BBX: variants seen among roughly 807,000 people sequenced by gnomAD.
BBX encodes BBX high mobility group box domain containing, also known as HMG box transcription factor BBX.
In BBX, 30 loss-of-function variants were observed where a neutral mutation model predicts 100.2. That is an observed-to-expected ratio of 0.30 (90% CI 0.22 to 0.41). The LOEUF (loss-of-function observed/expected upper bound fraction) is 0.41. BBX is among the 10% of genes least tolerant of loss of function. The pLI is 1.00. For synonymous variants in BBX, 376 were observed against 388.1 expected (o/e 0.97, Z 0.37); for missense variants, 1,023 against 1,129.8 (o/e 0.91, Z 1.35).
At chr3:107,606,130 A>G (rs1434453381) in intron 2 of BBX, among the ~76,000 whole-genome samples, 1 of 152,242 alleles carries the variant, frequency 6.6e-6, no homozygotes, top group Non-Finnish European at 1.5e-5. Flanking sequence ...AGGAGTTTCC[A>G]AAGAATGAAT....
rs955137918 is a variant in BBX, at chr3:107,805,616, T to C, written c.*159T>C. ...TCACTTGAAGCAGAAGTTAGCATCC[T>C]GGGCCAGTTTGTTCTCTCAGAACCC... On this transcript the variant is annotated 3_prime_UTR_variant, in exon 18 of 18. Coordinates refer to ENST00000325805, the MANE Select transcript of BBX (RefSeq NM_001142568.3). 1 of 1,384,762 alleles carries C rather than the reference T, an allele frequency of 7.2e-7. No homozygotes were observed. The highest frequency in any genetic ancestry group is 9.8e-7 in the Non-Finnish European group (1 of 1,022,296). The allele number at this position is 1,384,762 out of a possible 1,614,324, so 85.8% of individuals were successfully genotyped here.
At chr3:107,633,553 A>G (rs1425593599) in intron 2 of BBX, among the ~76,000 whole-genome samples, 1 of 152,210 alleles carries the variant, frequency 6.6e-6, no homozygotes, top group Non-Finnish European at 1.5e-5. Context: ...GATTTCAGGC[A>G]TCATGGTTTC....
intron 13 of BBX, among the ~76,000 whole-genome samples, chr3:107,784,711 T>C (rs991869825): frequency 6.6e-6 from 1 of 151,244 alleles, no homozygotes; most frequent in Non-Finnish European, 1.5e-5. Context: ...AAGAAAGAAA[T>C]CTCAAATAAG....
intron 2 of BBX, among the ~76,000 whole-genome samples, chr3:107,638,780 TACACACACACACACACACACACACAC>T (rs61081300): frequency 5.0e-5 from 5 of 99,882 alleles, no homozygotes; most frequent in East Asian, 2.8e-4. Flanking sequence ...AAAAAAAGTA[TACACACACACACACACACACACACAC>T]ACACACACAC....
chr3:107,774,576 C>A, intron 11 of BBX, 143 bp from the exon 12 acceptor site: 1 of 808,026 alleles, frequency 1.2e-6, no homozygotes, highest in Non-Finnish European at 1.9e-6. Flanking sequence ...CAGCATGAAT[C>A]ACTCTGAGAA....
At chr3:107,785,229 C>A in intron 13 of BBX, among the ~76,000 whole-genome samples, 1 of 148,968 alleles carries the variant, frequency 6.7e-6, no homozygotes. Context: ...TGTATTCTAC[C>A]AAACATTTAA....
chr3:107,536,188 A>G (rs1197176671), intron 2 of BBX, among the ~76,000 whole-genome samples: 2 of 152,232 alleles, frequency 1.3e-5, no homozygotes, highest in African/African-American at 4.8e-5. Context: ...GCTAAGTGGA[A>G]GAGATTTCAT....
chr3:107,529,940 A>C (rs928384849), intron 2 of BBX, among the ~76,000 whole-genome samples: 2 of 152,216 alleles, frequency 1.3e-5, no homozygotes, highest in Admixed American at 1.3e-4. Context: ...ATATATAAAT[A>C]GAAGATGAGA....
At chr3:107,713,911 G>A (rs2061898220) in intron 4 of BBX, among the ~76,000 whole-genome samples, 1 of 134,698 alleles carries the variant, frequency 7.4e-6, no homozygotes, top group African/African-American at 2.7e-5. Flanking sequence ...GACACATTCT[G>A]ATTTGTTTCT....
chr3:107,623,085 A>G (rs1168808072), intron 2 of BBX, among the ~76,000 whole-genome samples: 1 of 152,124 alleles, frequency 6.6e-6, no homozygotes. Flanking sequence ...TGAAGGAATC[A>G]CTTCCCTGAG....
chr3:107,663,539 C>G lies in BBX; in HGVS notation c.-10+17630C>G, dbSNP rs1250103741. Among the ~76,000 whole-genome samples, 6 of 152,056 alleles carry G rather than the reference C, an allele frequency of 3.9e-5. 1 individual carries two copies. Among genetic ancestry groups the G allele is most frequent in the African/African-American group, 1.2e-4 (5 of 41,380 alleles). On this transcript the variant is annotated intron_variant, in intron 3 of 17. Transcript: ENST00000325805. Reference sequence around the variant, plus strand: ...ATCCTTAATGTTGAGTTTATTACTTCTGTGTTTTTCTTGGTCGTTTTTCTC... The same window carrying G: ...ATCCTTAATGTTGAGTTTATTACTTGTGTGTTTTTCTTGGTCGTTTTTCTC...
At position 107,778,393 on chromosome 3, in the gene BBX, T is replaced by C. The variant is rs1401625518; in HGVS notation, c.2077T>C (p.Phe693Leu). ...TAGCTCCGCAAAGCTGGATGAAGAA[T>C]TTGAAAAAAAATTCAACAGCCTCCC... ...LLGSAKLDEE[F>L]EKKFNSLPQY... Residue 693 changes from phenylalanine (F) to leucine (L), a missense_variant, in exon 13 of 18, where the codon TTT (phenylalanine) becomes CTT (leucine). Around this residue, in one of 9 missense-constraint regions of BBX, gnomAD observed 215 missense variants for 211.3 expected, o/e 1.02. Coordinates refer to ENST00000325805, the MANE Select transcript of BBX (RefSeq NM_001142568.3). 1 of 1,613,200 alleles carries C rather than the reference T, an allele frequency of 6.2e-7. No homozygotes were observed. Among genetic ancestry groups the C allele is most frequent in the African/African-American group, 1.3e-5 (1 of 74,834 alleles).
intron 2 of BBX, among the ~76,000 whole-genome samples, chr3:107,587,422 G>T (rs1359895486): frequency 6.6e-6 from 1 of 151,828 alleles, no homozygotes; most frequent in African/African-American, 2.4e-5. Context: ...GAATGATTTG[G>T]ATCTTCTTGT....
intron 3 of BBX, among the ~76,000 whole-genome samples, chr3:107,674,086 G>A (rs1303586854): frequency 1.3e-5 from 2 of 152,140 alleles, no homozygotes; most frequent in Non-Finnish European, 2.9e-5. Flanking sequence ...CACTTGTGAT[G>A]ATACATTTTT....
At chr3:107,572,705 A>T (rs1316072318) in intron 2 of BBX, among the ~76,000 whole-genome samples, 1 of 152,200 alleles carries the variant, frequency 6.6e-6, no homozygotes, top group Non-Finnish European at 1.5e-5. Flanking sequence ...TATATCTTAA[A>T]AGTATGACTA....
chr3:107,548,098 C>T (rs1174934913), intron 2 of BBX, among the ~76,000 whole-genome samples: 3 of 152,094 alleles, frequency 2.0e-5, no homozygotes, highest in South Asian at 2.1e-4. Flanking sequence ...GAGGTTTGGA[C>T]GTATGATTGT....
chr3:107,781,431 A>G (rs1179211610), intron 13 of BBX, among the ~76,000 whole-genome samples: 3 of 152,144 alleles, frequency 2.0e-5, no homozygotes, highest in African/African-American at 7.2e-5. Context: ...TGAATTATCC[A>G]GTAAATTCTA....
intron 2 of BBX, among the ~76,000 whole-genome samples, chr3:107,559,434 T>G (rs761379834): frequency 5.9e-5 from 9 of 152,196 alleles, no homozygotes; most frequent in African/African-American, 1.2e-4. Context: ...AGGGAGCCAC[T>G]GCAGGTGCTA....
chr3:107,738,680 C>T (rs992429836), intron 7 of BBX, among the ~76,000 whole-genome samples: 2 of 152,162 alleles, frequency 1.3e-5, no homozygotes, highest in Non-Finnish European at 2.9e-5. Context: ...CAGCCTCTGA[C>T]AATCCAACCT....
Sources: allele counts gnomAD v4.1 joint callset (sites outside exome capture counted in the v4.1 genomes callset), GRCh38; gene constraint gnomAD v4.1.1; regional missense constraint gnomAD v4.1.1; transcripts MANE v1.5; gene names NCBI Gene and HGNC (gene_info 2026-07-23, HGNC 2026-07-21).